The following PCDH7 variants were observed in gnomAD, a reference collection of about 807,000 sequenced individuals.
The protein encoded by PCDH7 is protocadherin 7.
PCDH7 carries 17 observed loss-of-function variants against 58.9 expected under a neutral mutation model. That is an observed-to-expected ratio of 0.29 (90% confidence interval 0.20 to 0.43). The LOEUF (loss-of-function observed/expected upper bound fraction) is 0.43. Ranked by LOEUF, PCDH7 falls within the 20% of genes least tolerant of loss-of-function variation. The probability of loss-of-function intolerance (pLI) is 1.00; values close to 1 mark genes in which losing one functional copy is unlikely to be tolerated. For synonymous variants in PCDH7, 664 were observed against 616.4 expected (o/e 1.08, Z -1.14); for missense variants, 1,274 against 1,441.0 (o/e 0.88, Z 1.88).
intron 3 of PCDH7, among the ~76,000 whole-genome samples, chr4:30,957,472 T>C (rs1471060819): frequency 2.0e-5 from 3 of 152,146 alleles, no homozygotes; most frequent in Non-Finnish European, 4.4e-5. Context: ...AACCAGGAAA[T>C]GTGGATCTAA....
chr4:30,820,224 T>C (rs769290982), intron 1 of PCDH7, among the ~76,000 whole-genome samples: 1 of 152,184 alleles, frequency 6.6e-6, no homozygotes, highest in Non-Finnish European at 1.5e-5. Flanking sequence ...ATAAAATAGA[T>C]ACTTTTTGTG....
At chr4:30,806,165 T>C (rs1434812445) in intron 1 of PCDH7, among the ~76,000 whole-genome samples, 2 of 152,146 alleles carry the variant, frequency 1.3e-5, no homozygotes, top group African/African-American at 2.4e-5. Context: ...GTTGATCACA[T>C]TGAGAATAAA....
intron 1 of PCDH7, among the ~76,000 whole-genome samples, chr4:30,875,094 C>T (rs1736124677): frequency 6.6e-6 from 1 of 152,078 alleles, no homozygotes; most frequent in South Asian, 2.1e-4. Flanking sequence ...AAATACTACA[C>T]ACCTAAACAA....
exon 2 of PCDH7, chr4:30,731,007 ACTAAT>A: frequency 8.2e-7 from 1 of 1,215,388 alleles, no homozygotes; most frequent in Non-Finnish European, 1.0e-6. Context: ...GAAATGTGCT[ACTAAT>A]GGATGTCTGA....
chr4:30,983,813 A>G (rs947851344), intron 3 of PCDH7, among the ~76,000 whole-genome samples: 3 of 152,212 alleles, frequency 2.0e-5, no homozygotes, highest in Non-Finnish European at 4.4e-5. Context: ...ATGTGGCTTC[A>G]TTTATCAAGA....
intron 1 of PCDH7, among the ~76,000 whole-genome samples, chr4:30,900,547 A>T (rs942681937): frequency 1.3e-5 from 2 of 152,248 alleles, no homozygotes; most frequent in Admixed American, 1.3e-4. Context: ...ATCATCTAAA[A>T]GGTAATACAT....
intron 1 of PCDH7, among the ~76,000 whole-genome samples, chr4:30,906,999 G>T (rs1478039144): frequency 6.6e-6 from 1 of 152,028 alleles, no homozygotes; most frequent in Non-Finnish European, 1.5e-5. Context: ...CTCTAGCCTG[G>T]GTGACAGAGT....
At chr4:31,135,858 C>T (rs1405051755) in intron 3 of PCDH7, among the ~76,000 whole-genome samples, 1 of 152,044 alleles carries the variant, frequency 6.6e-6, no homozygotes, top group African/African-American at 2.4e-5. Flanking sequence ...TTTTGTTTTC[C>T]TAAGATATTT....
chr4:30,958,541 C>T (rs775497480), intron 3 of PCDH7, among the ~76,000 whole-genome samples: 20 of 151,888 alleles, frequency 1.3e-4, no homozygotes, highest in Middle Eastern at 6.8e-3. Flanking sequence ...TCTTAACAAT[C>T]CACTTTTAGT....
intron 3 of PCDH7, among the ~76,000 whole-genome samples, chr4:31,118,802 T>C (rs1717301853): frequency 6.6e-6 from 1 of 152,108 alleles, no homozygotes. Flanking sequence ...AAAAGACTAG[T>C]TAAAACATTC....
At chr4:30,816,672 T>TA (rs1408816384) in intron 1 of PCDH7, among the ~76,000 whole-genome samples, 1 of 152,144 alleles carries the variant, frequency 6.6e-6, no homozygotes, top group African/African-American at 2.4e-5. Context: ...CAACACTTTT[T>TA]ATCCAAACAG....
At chr4:30,967,513 G>C (rs1238064327) in intron 3 of PCDH7, among the ~76,000 whole-genome samples, 1 of 152,016 alleles carries the variant, frequency 6.6e-6, no homozygotes, top group African/African-American at 2.4e-5. Context: ...GACTCTGATT[G>C]GTGGCAAACA....
intron 2 of PCDH7, among the ~76,000 whole-genome samples, chr4:30,937,143 C>T (rs1018908080): frequency 2.5e-4 from 38 of 152,052 alleles, no homozygotes; most frequent in African/African-American, 8.9e-4. Context: ...TTATGCAAAC[C>T]ATTCAGTAAA....
chr4:30,979,839 T>C (rs768230741), intron 3 of PCDH7, among the ~76,000 whole-genome samples: 5 of 152,154 alleles, frequency 3.3e-5, no homozygotes, highest in Non-Finnish European at 5.9e-5. Context: ...GATTTTTCAA[T>C]AGTAAATGCA....
intron 2 of PCDH7, among the ~76,000 whole-genome samples, chr4:30,922,926 T>C (rs1235994111): frequency 6.6e-6 from 1 of 152,198 alleles, no homozygotes; most frequent in African/African-American, 2.4e-5. Flanking sequence ...TGCAATTGTG[T>C]TGCTTAAATT....
intron 1 of PCDH7, among the ~76,000 whole-genome samples, chr4:30,896,458 G>A (rs899534234): frequency 6.6e-6 from 1 of 151,776 alleles, no homozygotes; most frequent in Non-Finnish European, 1.5e-5. Context: ...ATAAAAAATT[G>A]CATTTTTATA....
At chr4:30,824,470 C>T (rs544274586) in intron 1 of PCDH7, among the ~76,000 whole-genome samples, 3 of 151,920 alleles carry the variant, frequency 2.0e-5, no homozygotes, top group South Asian at 2.1e-4. Context: ...GGATGGTATA[C>T]GTTAACTTTG....
At chr4:30,740,135 G>A (rs1560318879) in intron 1 of PCDH7, among the ~76,000 whole-genome samples, 3 of 152,142 alleles carry the variant, frequency 2.0e-5, no homozygotes, top group Non-Finnish European at 2.9e-5. Context: ...CTGAAGTTTA[G>A]GTAAGGACAG....
intron 3 of PCDH7, among the ~76,000 whole-genome samples, chr4:31,098,135 A>G (rs1049747606): frequency 2.0e-5 from 3 of 152,188 alleles, no homozygotes; most frequent in African/African-American, 7.2e-5. Flanking sequence ...CATAAGTTTC[A>G]GTAGCTACTG....
Sources: allele counts gnomAD v4.1 joint callset (sites outside exome capture counted in the v4.1 genomes callset), GRCh38; gene constraint gnomAD v4.1.1; transcripts MANE v1.5; gene names NCBI Gene and HGNC (gene_info 2026-07-23, HGNC 2026-07-21).